Variants in ZNF84 observed in about 807,000 individuals in gnomAD.
ZNF84 encodes zinc finger protein 84.
ZNF84 carries 12 observed loss-of-function variants against 14.8 expected under a neutral mutation model. The observed-to-expected ratio is 0.81, with a 90% CI of 0.52 to 1.31. ZNF84 has a LOEUF of 1.31. Ranked by LOEUF, ZNF84 falls within the 50% of genes most tolerant of loss-of-function variation. ZNF84 has a pLI of 0.00. For synonymous variants in ZNF84, 347 were observed against 291.1 expected (o/e 1.19, Z -1.96); for missense variants, 859 against 878.6 (o/e 0.98, Z 0.28).
At position 133,057,253 on chromosome 12, in the gene ZNF84, T is replaced by G; in HGVS notation, c.538T>G (p.Tyr180Asp). The G allele has an allele frequency of 6.2e-7, 1 of 1,613,934 alleles. No individual in the cohort carries two copies. Among genetic ancestry groups the G allele is most frequent in the Non-Finnish European group, 8.5e-7 (1 of 1,179,970 alleles). ...GGATACTGATACCTGGTTAAAATACTATGACTGTGATAAATATAAAGAGAG... is the reference window on the plus strand; with the variant it reads ...GGATACTGATACCTGGTTAAAATACGATGACTGTGATAAATATAAAGAGAG... ...PEDTDTWLKY[Y>D]DCDKYKESYK... The change falls in exon 5 of 5, where the codon TAT becomes GAT. Residue 180 changes from tyrosine to aspartate, a missense_variant. Tyr to Asp is a radical substitution (Grantham distance 160, BLOSUM62 -3). Transcript: ENST00000539354.
At chr12:133,054,299 C>G (rs1035643074) in intron 4 of ZNF84, among the ~76,000 whole-genome samples, 1 of 152,148 alleles carries the variant, frequency 6.6e-6, no homozygotes, top group Non-Finnish European at 1.5e-5. Context: ...GTAGGAGGAT[C>G]TCTTGAGCCT....
At chr12:133,046,735 C>T (rs1953985162) in intron 2 of ZNF84, among the ~76,000 whole-genome samples, 2 of 150,996 alleles carry the variant, frequency 1.3e-5, no homozygotes, top group African/African-American at 2.4e-5. Context: ...AATCACAGCT[C>T]ACTGACGCCT....
chr12:133,054,711 AT>A lies in ZNF84; in HGVS notation c.239-2242del, dbSNP rs374152309. 3.3e-3 allele frequency among the ~76,000 whole-genome samples: 502 copies of A among 151,758 alleles called. 4 individuals carry two copies. The highest frequency in any genetic ancestry group is 0.01 in the Middle Eastern group (3 of 292). On this transcript the variant is annotated intron_variant, in intron 4 of 4. Transcript: ENST00000539354. The stretch of plus-strand genomic sequence containing the variant: ...TCAAAATATTACACTGTAGACAGAT[AT>A]GTACAACTATTATTTTTCAATTAAA...
At chr12:133,047,843 G>A (rs1954008429) in intron 2 of ZNF84, 112 bp from the exon 3 acceptor site, 2 of 1,183,228 alleles carry the variant, frequency 1.7e-6, no homozygotes, top group Admixed American at 1.9e-5. Flanking sequence ...TAGAGACATA[G>A]TAGGCATTTT....
Position 133,058,316 on chromosome 12 carries a change from A to C in ZNF84, c.1601A>C (p.Gln534Pro). 6.2e-7 allele frequency: 1 copy of C among 1,614,170 alleles called. No individual in the cohort carries two copies. Among genetic ancestry groups the C allele is most frequent in the Non-Finnish European group, 8.5e-7 (1 of 1,180,018 alleles). ...FCQKSHLISHQRTHTGEKPYE... is the reference protein window; with the variant it reads ...FCQKSHLISHPRTHTGEKPYE... ...CAGAAGTCACATCTCATATCACATC[A>C]GAGGACACATACAGGGGAGAAACCC... Residue 534 changes from glutamine to proline, a missense_variant, in exon 5 of 5, where the codon CAG becomes CCG. Coordinates refer to ENST00000539354, the MANE Select transcript of ZNF84 (RefSeq NM_001289971.2).
intron 1 of ZNF84, among the ~76,000 whole-genome samples, chr12:133,039,247 A>C (rs1378928607): frequency 6.6e-6 from 1 of 152,212 alleles, no homozygotes; most frequent in African/African-American, 2.4e-5. Flanking sequence ...TGAACCACAA[A>C]AAGGCATGAA....
chr12:133,050,545 A>G, intron 4 of ZNF84: 1 of 398,608 alleles, frequency 2.5e-6, no homozygotes, highest in Non-Finnish European at 4.4e-6. Context: ...GTATGACACT[A>G]CTGCTGCCTG....
At chr12:133,043,460 C>T (rs920544047) in intron 2 of ZNF84, among the ~76,000 whole-genome samples, 6 of 152,196 alleles carry the variant, frequency 3.9e-5, no homozygotes, top group Admixed American at 2.6e-4. Flanking sequence ...TGAGCCACTA[C>T]GCCTGGCCAA....
rs1236042812 is a variant in ZNF84 at position 133,037,562 on chromosome 12, T to C, written c.-191+17T>C. The C allele has an allele frequency of 1.3e-5, 2 of 152,074 alleles. No homozygotes were observed. Among genetic ancestry groups the C allele is most frequent in the African/African-American group, 4.8e-5 (2 of 41,338 alleles). 9.4% of individuals were successfully genotyped at this position (152,074 alleles called of 1,614,324 possible). ...GCGTCTTTTGTGAGTTCAGTGAGTT[T>C]ATTGCGGGCCCGGCGCTGGGGGCTC... On this transcript the variant is annotated intron_variant, in intron 1 of 4. Transcript: ENST00000539354.
In ZNF84 at chr12:133,058,160, C is replaced by T. The variant is rs1019726612; in HGVS notation, c.1445C>T (p.Thr482Met). The T allele has an allele frequency of 2.7e-5, 44 of 1,613,770 alleles. 1 individual carries two copies. The highest frequency in any genetic ancestry group is 2.1e-4 in the South Asian group (19 of 91,088). ...SQLVRHQRTH[T>M]GEKPYECSEC... Reference sequence around the variant, plus strand: ...CTCGTTAGACATCAGAGAACTCATACGGGAGAAAAACCGTATGAATGCAGT... The same window carrying T: ...CTCGTTAGACATCAGAGAACTCATATGGGAGAAAAACCGTATGAATGCAGT... The change falls in exon 5 of 5, where the codon ACG (threonine) becomes ATG (methionine). Residue 482 changes from threonine to methionine, a missense_variant. Thr to Met is a moderately conservative substitution (Grantham distance 81). Transcript: ENST00000539354.
In ZNF84 at chr12:133,058,750, G is replaced by A; in HGVS notation, c.2035G>A (p.Gly679Ser). 2 of 1,613,898 alleles carry A rather than the reference G, an allele frequency of 1.2e-6. No individual in the cohort carries two copies. Among genetic ancestry groups the A allele is most frequent in the Non-Finnish European group, 1.7e-6 (2 of 1,179,936 alleles). ...HLIPHQRTHT[G>S]EKPYGCSECR... ...TATACCACATCAAAGGACACATACGGGTGAGAAACCCTATGGATGCAGTGA... is the reference window on the plus strand; with the variant it reads ...TATACCACATCAAAGGACACATACGAGTGAGAAACCCTATGGATGCAGTGA... Residue 679 changes from glycine to serine, a missense_variant, in exon 5 of 5, where the codon GGT becomes AGT. Gly to Ser is a moderately conservative substitution (Grantham distance 56). Coordinates refer to ENST00000539354, the MANE Select transcript of ZNF84 (RefSeq NM_001289971.2).
At position 133,059,229 on chromosome 12, in the gene ZNF84, A is replaced by G; in HGVS notation, c.*297A>G. 2.5e-6 allele frequency: 1 copy of G among 404,950 alleles called. No homozygotes were observed. Among genetic ancestry groups the G allele is most frequent in the Non-Finnish European group, 4.4e-6 (1 of 229,082 alleles). 25.1% of individuals were successfully genotyped at this position (404,950 alleles called of 1,614,324 possible). A position where few individuals can be genotyped will look rare whatever the true frequency, so the allele number is the denominator to read the frequency against. On this transcript the variant is annotated 3_prime_UTR_variant, in exon 5 of 5. Transcript: ENST00000539354. ...TTCCAGAAGTCAAGTCTCTTAAGCTATTAGAAATATTCCCACTGGGGATGA... is the reference window on the plus strand; with the variant it reads ...TTCCAGAAGTCAAGTCTCTTAAGCTGTTAGAAATATTCCCACTGGGGATGA...
Position 133,059,051 on chromosome 12 carries a change from CTA to C in ZNF84, c.*120_*121del. ...TTTGTACTCCATGAGGATGAGAACT[CTA>C]AATGAGGTGGTGTATGGAAAGCCGA... On this transcript the variant is annotated 3_prime_UTR_variant, in exon 5 of 5. Transcript: ENST00000539354. 1.0e-6 allele frequency: 1 copy of C among 978,198 alleles called. No individual in the cohort carries two copies. The highest frequency in any genetic ancestry group is 1.5e-6 in the Non-Finnish European group (1 of 665,068). 60.6% of individuals were successfully genotyped at this position (978,198 alleles called of 1,614,324 possible).
Position 133,058,320 on chromosome 12 carries a change from G to T in ZNF84, c.1605G>T (p.Arg535Ser). 3.7e-6 allele frequency: 6 copies of T among 1,613,660 alleles called. No individual in the cohort carries two copies. The highest frequency in any genetic ancestry group is 5.1e-6 in the Non-Finnish European group (6 of 1,179,874). The change falls in exon 5 of 5, where the codon AGG becomes AGT. Residue 535 changes from arginine (R) to serine (S), a missense_variant. By Grantham distance (110) the Arg-to-Ser change is moderately radical. Transcript: ENST00000539354. The stretch of plus-strand genomic sequence containing the variant: ...AGTCACATCTCATATCACATCAGAG[G>T]ACACATACAGGGGAGAAACCCTATG... ...CQKSHLISHQ[R>S]THTGEKPYEC...
At position 133,048,019 on chromosome 12, in the gene ZNF84, CCT is replaced by C. The variant is rs1954012003; in HGVS notation, c.84_85del (p.Gln29GlufsTer13). 1 of 1,613,828 alleles carries C rather than the reference CCT, an allele frequency of 6.2e-7. No individual in the cohort carries two copies. Among genetic ancestry groups the C allele is most frequent in the African/African-American group, 1.3e-5 (1 of 74,872 alleles). The stretch of plus-strand genomic sequence containing the variant: ...CAAAAGGAGTGGCAGCTACTGGATC[CCT>C]CTCAGAAGAATTTATACAAGGATGT... On this transcript the variant is annotated frameshift_variant, in exon 3 of 5. Coordinates refer to ENST00000539354, the MANE Select transcript of ZNF84 (RefSeq NM_001289971.2). LOFTEE classifies it high-confidence loss of function.
In ZNF84 at chr12:133,062,047, C is replaced by G. The variant is rs1490240008; in HGVS notation, c.*3115C>G. On this transcript the variant is annotated 3_prime_UTR_variant, in exon 5 of 5. Coordinates refer to ENST00000539354, the MANE Select transcript of ZNF84 (RefSeq NM_001289971.2). ...TGGATTTATTTGTGATTTTATGGAG[C>G]ACAATAAGGTACATTGAGATAGCAT... 1.3e-5 allele frequency: 2 copies of G among 152,152 alleles called. No individual in the cohort carries two copies. The highest frequency in any genetic ancestry group is 2.9e-5 in the Non-Finnish European group (2 of 68,040). The allele number at this position is 152,152 out of a possible 1,614,324, so 9.4% of individuals were successfully genotyped here. A position where few individuals can be genotyped will look rare whatever the true frequency, so the allele number is the denominator to read the frequency against.
At chr12:133,045,025 T>C (rs1177344560) in intron 2 of ZNF84, among the ~76,000 whole-genome samples, 1 of 152,224 alleles carries the variant, frequency 6.6e-6, no homozygotes, top group African/African-American at 2.4e-5. Context: ...AGATCCACCA[T>C]TTTAATGTAT....
intron 2 of ZNF84, among the ~76,000 whole-genome samples, chr12:133,045,573 A>C (rs1953966731): frequency 6.6e-6 from 1 of 152,112 alleles, no homozygotes; most frequent in African/African-American, 2.4e-5. Flanking sequence ...CAGGAGGCAG[A>C]GGTTACAGCG....
chr12:133,058,048 C>T lies in ZNF84; in HGVS notation c.1333C>T (p.His445Tyr). Residue 445 changes from histidine to tyrosine, a missense_variant, in exon 5 of 5, where the codon CAT becomes TAT. His to Tyr is a moderately conservative substitution (Grantham distance 83). Coordinates refer to ENST00000539354, the MANE Select transcript of ZNF84 (RefSeq NM_001289971.2). ...QCGKAFSQKS[H>Y]LISHQMTHTG... ...TGGGAAGGCCTTCTCCCAGAAGTCA[C>T]ATCTCATATCACATCAGATGACACA... 3 of 1,613,526 alleles carry T rather than the reference C, an allele frequency of 1.9e-6. No homozygotes were observed. The highest frequency in any genetic ancestry group is 1.1e-5 in the South Asian group (1 of 91,052).
Sources: gnomAD v4.1 joint callset for allele counts (sites outside exome capture counted in the v4.1 genomes callset) on GRCh38, gnomAD v4.1.1 for gene constraint, MANE v1.5 for transcripts, NCBI Gene and HGNC (gene_info 2026-07-23, HGNC 2026-07-21) for gene names.